GRID2: variants seen among roughly 807,000 people sequenced by gnomAD.
GRID2 encodes the protein glutamate ionotropic receptor delta type subunit 2, also known as glutamate receptor ionotropic, delta-2.
GRID2 carries 33 observed loss-of-function variants against 114.8 expected under a neutral mutation model. That is an observed-to-expected ratio of 0.29 (90% CI 0.22 to 0.38). The LOEUF (loss-of-function observed/expected upper bound fraction) is 0.38, where lower values mean the gene tolerates loss of function less well. Ranked by LOEUF, GRID2 falls within the 10% of genes least tolerant of loss-of-function variation. GRID2 has a pLI of 1.00. For missense variants in GRID2, 1,184 were observed against 1,257.7 expected, an observed-to-expected ratio of 0.94 and a Z score of 0.89; for synonymous variants, 505 against 449.9, an observed-to-expected ratio of 1.12 and a Z score of -1.55.
chr4:92,563,612 G>T (rs1460927709), intron 1 of GRID2, among the ~76,000 whole-genome samples: 1 of 151,828 alleles, frequency 6.6e-6, no homozygotes, highest in East Asian at 1.9e-4. Flanking sequence ...TTTAATGACT[G>T]CCTAGTATAT....
intron 2 of GRID2, among the ~76,000 whole-genome samples, chr4:92,941,853 C>T (rs1212953047): frequency 1.3e-5 from 2 of 152,082 alleles, no homozygotes; most frequent in Non-Finnish European, 2.9e-5. Context: ...GAGCAGGTTG[C>T]TCAATTTCCA....
At chr4:92,325,297 G>A (rs1393225901) in intron 1 of GRID2, among the ~76,000 whole-genome samples, 1 of 151,738 alleles carries the variant, frequency 6.6e-6, no homozygotes, top group East Asian at 1.9e-4. Flanking sequence ...AGCTTGAAGG[G>A]TCAAATGAAA....
chr4:93,062,396 A>G (rs963176138), intron 2 of GRID2, among the ~76,000 whole-genome samples: 31 of 152,272 alleles, frequency 2.0e-4, no homozygotes, highest in African/African-American at 7.0e-4. Flanking sequence ...TCATATCCAT[A>G]CAAAGATATG....
At chr4:93,555,571 G>A (rs1228279206) in intron 13 of GRID2, among the ~76,000 whole-genome samples, 2 of 152,174 alleles carry the variant, frequency 1.3e-5, no homozygotes, top group Non-Finnish European at 2.9e-5. Flanking sequence ...TCCTCCTCTT[G>A]GGCAGGGCAT....
intron 7 of GRID2, among the ~76,000 whole-genome samples, chr4:93,226,979 G>A (rs930407960): frequency 3.9e-5 from 6 of 152,178 alleles, no homozygotes; most frequent in African/African-American, 1.4e-4. Context: ...GGTGAAGAAT[G>A]TTACACTGGA....
intron 13 of GRID2, among the ~76,000 whole-genome samples, chr4:93,533,095 T>C (rs548013094): frequency 6.6e-6 from 1 of 152,298 alleles, no homozygotes; most frequent in African/African-American, 2.4e-5. Flanking sequence ...AATTTCAAAC[T>C]TAATATATCC....
chr4:92,430,430 T>A (rs563341604), intron 1 of GRID2, among the ~76,000 whole-genome samples: 2 of 152,286 alleles, frequency 1.3e-5, no homozygotes, highest in Admixed American at 1.3e-4. Flanking sequence ...TGGATTTGTT[T>A]TGGTTCTTGG....
intron 2 of GRID2, among the ~76,000 whole-genome samples, chr4:92,809,304 A>T (rs1740557126): frequency 6.6e-6 from 1 of 152,034 alleles, no homozygotes; most frequent in South Asian, 2.1e-4. Flanking sequence ...CAGTAAATTG[A>T]ACCTGCATAA....
chr4:92,767,017 T>G (rs1423054467), intron 2 of GRID2, among the ~76,000 whole-genome samples: 1 of 152,200 alleles, frequency 6.6e-6, no homozygotes, highest in East Asian at 1.9e-4. Context: ...TCATCCACCT[T>G]CCCTTGGAGC....
At chr4:92,472,888 T>A (rs1483887697) in intron 1 of GRID2, among the ~76,000 whole-genome samples, 1 of 152,118 alleles carries the variant, frequency 6.6e-6, no homozygotes, top group Non-Finnish European at 1.5e-5. Context: ...TTAACAGTGT[T>A]TTTCAAAGTA....
intron 1 of GRID2, among the ~76,000 whole-genome samples, chr4:92,430,527 A>G (rs946639906): frequency 1.3e-5 from 2 of 152,078 alleles, no homozygotes; most frequent in Non-Finnish European, 2.9e-5. Context: ...AGTATTATTT[A>G]AAGTCAGGTG....
At chr4:93,656,188 A>G (rs1445504237) in intron 14 of GRID2, among the ~76,000 whole-genome samples, 1 of 151,990 alleles carries the variant, frequency 6.6e-6, no homozygotes, top group African/African-American at 2.4e-5. Flanking sequence ...GAAAAAAATA[A>G]TTGTTTACTG....
chr4:93,547,550 C>G (rs1197181773), intron 13 of GRID2, among the ~76,000 whole-genome samples: 1 of 152,104 alleles, frequency 6.6e-6, no homozygotes, highest in Non-Finnish European at 1.5e-5. Flanking sequence ...ATAATTTACC[C>G]TTTTTTGTGT....
intron 2 of GRID2, among the ~76,000 whole-genome samples, chr4:93,025,808 A>G (rs1024097719): frequency 1.3e-5 from 2 of 151,636 alleles, no homozygotes; most frequent in African/African-American, 4.8e-5. Flanking sequence ...TGAAATTTGA[A>G]CCATGATAGA....
intron 1 of GRID2, among the ~76,000 whole-genome samples, chr4:92,434,554 G>A (rs961317433): frequency 7.9e-5 from 12 of 152,112 alleles, no homozygotes; most frequent in Non-Finnish European, 1.5e-4. Context: ...CAAAAATAGA[G>A]AGCCTAGAAA....
intron 1 of GRID2, among the ~76,000 whole-genome samples, chr4:92,555,101 G>A (rs965702342): frequency 6.6e-6 from 1 of 152,118 alleles, no homozygotes; most frequent in African/African-American, 2.4e-5. Context: ...TGAGTTTGCA[G>A]GCAGAAGTAC....
chr4:92,758,749 T>C (rs1487229374), intron 2 of GRID2, among the ~76,000 whole-genome samples: 1 of 152,162 alleles, frequency 6.6e-6, no homozygotes, highest in Non-Finnish European at 1.5e-5. Flanking sequence ...GGTTTGTTTG[T>C]TTGTTTTACA....
chr4:92,851,851 G>A (rs1204318564), intron 2 of GRID2, among the ~76,000 whole-genome samples: 1 of 151,938 alleles, frequency 6.6e-6, no homozygotes, highest in Non-Finnish European at 1.5e-5. Context: ...CTTTGTAACG[G>A]TCATTCACAA....
At chr4:93,375,243 T>C (rs1763271290) in intron 8 of GRID2, among the ~76,000 whole-genome samples, 1 of 144,702 alleles carries the variant, frequency 6.9e-6, no homozygotes. Context: ...AGACAGAATC[T>C]CACTCTATCG....
Sources: gnomAD v4.1 joint callset for allele counts (sites outside exome capture counted in the v4.1 genomes callset) on GRCh38, gnomAD v4.1.1 for gene constraint, MANE v1.5 for transcripts, NCBI Gene and HGNC (gene_info 2026-07-23, HGNC 2026-07-21) for gene names.